Variants in IL33 observed in about 807,000 individuals in gnomAD.
IL33 encodes interleukin 33.
Under a neutral mutation model 27.3 loss-of-function variants are expected in IL33, and 37 were observed. That is an observed-to-expected ratio of 1.36 (90% CI 1.04 to 1.78). The LOEUF (loss-of-function observed/expected upper bound fraction) is 1.78. IL33 is among the 40% of genes most tolerant of loss of function. IL33 has a pLI of 0.00. For missense variants in IL33, 406 were observed against 311.4 expected (o/e 1.30, Z -2.29); for synonymous variants, 132 against 102.9 (o/e 1.28, Z -1.71).
intron 1 of IL33, among the ~76,000 whole-genome samples, chr9:6,234,243 G>T (rs184791528): frequency 2.0e-5 from 3 of 152,264 alleles, no homozygotes; most frequent in Admixed American, 2.0e-4. Context: ...AATCCACATG[G>T]CTAAGTTTGG....
intron 2 of IL33, among the ~76,000 whole-genome samples, chr9:6,245,228 T>C (rs1246302618): frequency 1.3e-5 from 2 of 152,204 alleles, no homozygotes; most frequent in East Asian, 1.9e-4. Context: ...AACGGTGTTA[T>C]TGATATTTTC....
rs568444976 is a variant in IL33, at chr9:6,257,552, AAGG to A, written c.*1387_*1389del. On this transcript the variant is annotated 3_prime_UTR_variant, in exon 8 of 8. Transcript: ENST00000682010. ...ATATAATAACATTTTTTAACTACTA[AAGG>A]AGTAGTTTTTATTTTAAAGTCTTAG... The A allele has an allele frequency of 7.2e-5, 11 of 152,708 alleles. No individual in the cohort carries two copies. The highest frequency in any genetic ancestry group is 3.4e-3 in the Middle Eastern group (1 of 294). 9.5% of individuals were successfully genotyped at this position (152,708 alleles called of 1,614,324 possible).
intron 1 of IL33, among the ~76,000 whole-genome samples, chr9:6,240,685 G>A (rs547526098): frequency 7.9e-5 from 12 of 152,178 alleles, no homozygotes; most frequent in Non-Finnish European, 1.5e-4. Flanking sequence ...ATGTGAAGGC[G>A]TAGGTCGTTA....
chr9:6,229,587 C>G (rs1818826015), intron 1 of IL33, among the ~76,000 whole-genome samples: 1 of 152,194 alleles, frequency 6.6e-6, no homozygotes, highest in Non-Finnish European at 1.5e-5. Context: ...ACCAGGGAAT[C>G]TACCTCCACT....
intron 1 of IL33, among the ~76,000 whole-genome samples, chr9:6,227,837 C>T (rs1489435038): frequency 2.0e-5 from 3 of 152,110 alleles, no homozygotes; most frequent in Admixed American, 6.5e-5. Flanking sequence ...CCTCTTCTAC[C>T]TAGAAAACTT....
At chr9:6,250,631 T>G (rs762343110) in intron 3 of IL33, 32 bp downstream of exon 3, 8 of 1,602,338 alleles carry the variant, frequency 5.0e-6, no homozygotes, top group Non-Finnish European at 3.4e-6. Context: ...CTGGCAATAG[T>G]GATAAGTATC....
chr9:6,256,270 G>C lies in IL33; in HGVS notation c.*102G>C. On this transcript the variant is annotated 3_prime_UTR_variant, in exon 8 of 8. Coordinates refer to ENST00000682010, the MANE Select transcript of IL33 (RefSeq NM_033439.4). ...ACAGGTGACATCTAAGGGAAATGAA[G>C]AGTGCTTAGCATGTGTGGAATGTTT... 1.2e-6 allele frequency: 1 copy of C among 808,512 alleles called. No individual in the cohort carries two copies. The highest frequency in any genetic ancestry group is 2.0e-6 in the Non-Finnish European group (1 of 490,966). The allele number at this position is 808,512 out of a possible 1,614,324, so 50.1% of individuals were successfully genotyped here.
chr9:6,249,840 G>T (rs974433737), intron 2 of IL33, among the ~76,000 whole-genome samples: 1 of 152,176 alleles, frequency 6.6e-6, no homozygotes, highest in African/African-American at 2.4e-5. Flanking sequence ...GGAGACATAT[G>T]TAAAATCATT....
At position 6,254,165 on chromosome 9, in the gene IL33, A is replaced by G. The variant is rs1464143738; in HGVS notation, c.521-297A>G. Among the ~76,000 whole-genome samples the G allele has an allele frequency of 2.0e-5, 3 of 152,196 alleles. No individual in the cohort carries two copies. The South Asian group carries it at 6.2e-4, about 32-fold the overall frequency. Reference sequence around the variant, plus strand: ...CCAAAAGAGGAATGAATATTGGGTGACACTATGAGTGGCTTTACATGCAGA... The same window carrying G: ...CCAAAAGAGGAATGAATATTGGGTGGCACTATGAGTGGCTTTACATGCAGA... On this transcript the variant is annotated intron_variant, in intron 6 of 7. Coordinates refer to ENST00000682010, the MANE Select transcript of IL33 (RefSeq NM_033439.4).
chr9:6,240,451 G>T (rs969811996), intron 1 of IL33, among the ~76,000 whole-genome samples: 1 of 152,184 alleles, frequency 6.6e-6, no homozygotes, highest in African/African-American at 2.4e-5. Context: ...GTTCTTATTT[G>T]CAGAGGAAGC....
chr9:6,251,148 C>A lies in IL33; in HGVS notation c.226C>A (p.His76Asn), dbSNP rs1164251170. 1 of 1,613,672 alleles carries A rather than the reference C, an allele frequency of 6.2e-7. No homozygotes were observed. The highest frequency in any genetic ancestry group is 2.2e-5 in the East Asian group (1 of 44,872). ...KRPSLKTGRKHKRHLVLAACQ... is the reference protein window; with the variant it reads ...KRPSLKTGRKNKRHLVLAACQ... ...TCCCATCCGGTCTGCAGGTAGAAAG[C>A]ACAAAAGACATCTGGTACTCGCTGC... is the stretch of plus-strand genomic sequence containing the variant. Residue 76 changes from histidine to asparagine, a missense_variant, in exon 4 of 8, where the codon CAC becomes AAC. His to Asn is a moderately conservative substitution (Grantham distance 68). Coordinates refer to ENST00000682010, the MANE Select transcript of IL33 (RefSeq NM_033439.4).
chr9:6,250,641 C>G, intron 3 of IL33, 42 bp downstream of exon 3: 14 of 1,590,554 alleles, frequency 8.8e-6, no homozygotes, highest in Non-Finnish European at 1.2e-5. Flanking sequence ...TGATAAGTAT[C>G]TGTTTGCCTT....
Position 6,256,642 on chromosome 9 carries a change from G to A in IL33, c.*474G>A. On this transcript the variant is annotated 3_prime_UTR_variant, in exon 8 of 8. Transcript: ENST00000682010. ...TAAAAAGAAGACCAGATGCTTCACA[G>A]AATTATCATTTTTTCAACTGGAATA... 3.8e-6 allele frequency: 1 copy of A among 262,560 alleles called. No homozygotes were observed. The highest frequency in any genetic ancestry group is 7.1e-6 in the Non-Finnish European group (1 of 140,920). The allele number at this position is 262,560 out of a possible 1,614,324, so 16.3% of individuals were successfully genotyped here.
intron 2 of IL33, among the ~76,000 whole-genome samples, chr9:6,246,150 C>G (rs905126876): frequency 1.4e-5 from 2 of 143,976 alleles, no homozygotes; most frequent in Non-Finnish European, 3.0e-5. Context: ...ATAGGCAATT[C>G]AGGAGAAATA....
chr9:6,236,058 C>CAA (rs1418977196), intron 1 of IL33, among the ~76,000 whole-genome samples: 3 of 144,056 alleles, frequency 2.1e-5, no homozygotes, highest in Non-Finnish European at 3.1e-5. Context: ...CACACACACA[C>CAA]AACTGTCAGT....
chr9:6,251,823 T>C (rs1178354160), intron 4 of IL33, among the ~76,000 whole-genome samples: 5 of 151,542 alleles, frequency 3.3e-5, no homozygotes, highest in Admixed American at 1.3e-4. Context: ...ATGGATCACC[T>C]GAGGTCAGGA....
At chr9:6,233,865 C>T (rs1232891383) in intron 1 of IL33, among the ~76,000 whole-genome samples, 2 of 152,110 alleles carry the variant, frequency 1.3e-5, no homozygotes, top group African/African-American at 4.8e-5. Flanking sequence ...TATTATACTT[C>T]TTGGAAATGT....
chr9:6,231,231 G>A (rs1818912950), intron 1 of IL33, among the ~76,000 whole-genome samples: 1 of 152,038 alleles, frequency 6.6e-6, no homozygotes, highest in Non-Finnish European at 1.5e-5. Flanking sequence ...CCCTTCTTTG[G>A]CTTCTCAATG....
chr9:6,215,351 T>G (rs953370553), upstream of IL33, among the ~76,000 whole-genome samples: 5 of 152,096 alleles, frequency 3.3e-5, no homozygotes, highest in African/African-American at 1.2e-4. Context: ...GAATACAGAG[T>G]ATTTCAGAGC....
Sources: gnomAD v4.1 joint callset for allele counts (sites outside exome capture counted in the v4.1 genomes callset) on GRCh38, gnomAD v4.1.1 for gene constraint, MANE v1.5 for transcripts, NCBI Gene and HGNC (gene_info 2026-07-23, HGNC 2026-07-21) for gene names.